TMEM132D: variants seen among roughly 807,000 people sequenced by gnomAD.
TMEM132D encodes the protein mature OL transmembrane protein.
Under a neutral mutation model 62.3 loss-of-function variants are expected in TMEM132D, and 21 were observed. The ratio of observed to expected loss-of-function variants is 0.34; its 90% confidence interval spans 0.24 to 0.49. TMEM132D has a LOEUF of 0.49. Ranked by LOEUF, TMEM132D falls within the 20% of genes least tolerant of loss-of-function variation. The pLI, the probability that TMEM132D is intolerant of heterozygous loss-of-function variation, is 0.99. For synonymous variants in TMEM132D, 621 were observed against 575.6 expected (o/e 1.08, Z -1.13); for missense variants, 1,346 against 1,402.8 (o/e 0.96, Z 0.65).
intron 3 of TMEM132D, among the ~76,000 whole-genome samples, chr12:129,441,389 C>A (rs1027870059): frequency 1.3e-5 from 2 of 152,126 alleles, no homozygotes; most frequent in African/African-American, 4.8e-5. Flanking sequence ...ACTGTTAAGG[C>A]CACTTGTGAA....
chr12:129,394,220 T>C (rs900306910), intron 3 of TMEM132D, among the ~76,000 whole-genome samples: 3 of 152,202 alleles, frequency 2.0e-5, no homozygotes, highest in African/African-American at 7.2e-5. Context: ...CAGCTTTTAC[T>C]GTCAATTACA....
chr12:129,323,354 A>C (rs1405768511), intron 4 of TMEM132D, among the ~76,000 whole-genome samples: 1 of 152,190 alleles, frequency 6.6e-6, no homozygotes, highest in African/African-American at 2.4e-5. Flanking sequence ...ATATAAATCC[A>C]CCTGCTATAG....
intron 3 of TMEM132D, among the ~76,000 whole-genome samples, chr12:129,503,438 A>G (rs1875216951): frequency 6.6e-6 from 1 of 152,202 alleles, no homozygotes; most frequent in Non-Finnish European, 1.5e-5. Context: ...TTTAAGCTGA[A>G]TGATAAAGGA....
At chr12:129,457,565 C>T (rs950000413) in intron 3 of TMEM132D, among the ~76,000 whole-genome samples, 1 of 151,594 alleles carries the variant, frequency 6.6e-6, no homozygotes, top group Non-Finnish European at 1.5e-5. Flanking sequence ...ATGTTGTGCA[C>T]ATGTACCCTA....
intron 1 of TMEM132D, chr12:129,840,001 G>C (rs1165786337): frequency 6.6e-6 from 1 of 152,078 alleles, no homozygotes; most frequent in Admixed American, 6.5e-5. Flanking sequence ...ATGCACCCCT[G>C]ATCAGTAAAA....
intron 3 of TMEM132D, among the ~76,000 whole-genome samples, chr12:129,359,686 T>G (rs1387172071): frequency 6.6e-6 from 1 of 152,124 alleles, no homozygotes; most frequent in Non-Finnish European, 1.5e-5. Flanking sequence ...ACTTTAAAAA[T>G]AACCAAATAA....
intron 1 of TMEM132D, among the ~76,000 whole-genome samples, chr12:129,871,650 C>A (rs912702962): frequency 6.6e-6 from 1 of 152,148 alleles, no homozygotes; most frequent in East Asian, 1.9e-4. Context: ...CTAGTTCATA[C>A]TGGCTTGCAA....
At chr12:129,436,666 T>A (rs74845796) in intron 3 of TMEM132D, among the ~76,000 whole-genome samples, 1 of 152,182 alleles carries the variant, frequency 6.6e-6, no homozygotes, top group Non-Finnish European at 1.5e-5. Flanking sequence ...TGTATCCACA[T>A]GAACAGATCT....
At position 129,466,531 on chromosome 12, in the gene TMEM132D, T is replaced by A. The variant is rs1055558824; in HGVS notation, c.1115+64528A>T. On this transcript the variant is annotated intron_variant, in intron 3 of 8. Coordinates refer to ENST00000422113, the MANE Select transcript of TMEM132D (RefSeq NM_133448.3). ...ATTATTTTAGCTAAGCCTCAATTAA[T>A]CATTGCTCCTCATAACAACTGTTAT... Among the ~76,000 whole-genome samples, 7 of 152,124 alleles carry A rather than the reference T, an allele frequency of 4.6e-5. No homozygotes were observed. The South Asian group carries it at 6.2e-4, about 14-fold the overall frequency.
intron 1 of TMEM132D, among the ~76,000 whole-genome samples, chr12:129,706,829 C>T (rs1250963418): frequency 6.6e-6 from 1 of 151,570 alleles, no homozygotes; most frequent in African/African-American, 2.4e-5. Context: ...AAGAGAAACC[C>T]AACTACTTAA....
intron 2 of TMEM132D, among the ~76,000 whole-genome samples, chr12:129,600,134 C>CA (rs980273376): frequency 6.6e-6 from 1 of 152,262 alleles, no homozygotes; most frequent in African/African-American, 2.4e-5. Flanking sequence ...GTTGCTTTAT[C>CA]AAATCAGTCT....
At chr12:129,513,992 C>T (rs867348286) in intron 3 of TMEM132D, among the ~76,000 whole-genome samples, 11 of 151,148 alleles carry the variant, frequency 7.3e-5, no homozygotes, top group South Asian at 2.1e-4. Flanking sequence ...CGCCCGCCAC[C>T]ACGCCTGGCT....
intron 1 of TMEM132D, among the ~76,000 whole-genome samples, chr12:129,793,859 C>A (rs1223222885): frequency 6.6e-6 from 1 of 152,174 alleles, no homozygotes; most frequent in Non-Finnish European, 1.5e-5. Context: ...TCTAAAAATG[C>A]CACAGGCCTG....
chr12:129,098,844 A>G (rs1875197701), intron 5 of TMEM132D, among the ~76,000 whole-genome samples: 1 of 152,136 alleles, frequency 6.6e-6, no homozygotes, highest in African/African-American at 2.4e-5. Context: ...GCTGAACTGA[A>G]TAAGCAGCCT....
intron 1 of TMEM132D, among the ~76,000 whole-genome samples, chr12:129,758,356 G>A (rs1227302047): frequency 2.0e-5 from 3 of 152,114 alleles, no homozygotes; most frequent in African/African-American, 7.2e-5. Context: ...TTAAGTGTAA[G>A]TTACTCAGGG....
intron 3 of TMEM132D, among the ~76,000 whole-genome samples, chr12:129,512,716 A>G (rs932822004): frequency 1.3e-5 from 2 of 152,214 alleles, no homozygotes; most frequent in African/African-American, 2.4e-5. Flanking sequence ...TGTGCTAACT[A>G]TAGCAGGAGT....
chr12:129,786,806 G>A (rs554594229), intron 1 of TMEM132D, among the ~76,000 whole-genome samples: 11 of 152,288 alleles, frequency 7.2e-5, no homozygotes, highest in East Asian at 1.9e-4. Flanking sequence ...CAGGAGAATC[G>A]CTTGAACCCG....
intron 4 of TMEM132D, among the ~76,000 whole-genome samples, chr12:129,274,973 TATTAA>T (rs569304704): frequency 2.4e-4 from 37 of 152,110 alleles, no homozygotes; most frequent in Non-Finnish European, 4.9e-4. Flanking sequence ...AAAATATATT[TATTAA>T]ATTAAAAGTT....
chr12:129,539,330 CCA>C (rs1876517584), intron 2 of TMEM132D, among the ~76,000 whole-genome samples: 1 of 151,344 alleles, frequency 6.6e-6, no homozygotes, highest in African/African-American at 2.4e-5. Context: ...ATCCCAGGCT[CCA>C]GTGATCCTCC....
Sources: allele counts gnomAD v4.1 joint callset (sites outside exome capture counted in the v4.1 genomes callset), GRCh38; gene constraint gnomAD v4.1.1; transcripts MANE v1.5; gene names NCBI Gene and HGNC (gene_info 2026-07-23, HGNC 2026-07-21).